The following NSUN7 variants were observed in gnomAD, a reference collection of about 807,000 sequenced individuals.
NSUN7 encodes the protein protein NSUN7.
In NSUN7, 39 loss-of-function variants were observed where a neutral mutation model predicts 58.5. The ratio of observed to expected loss-of-function variants is 0.67; its 90% CI spans 0.52 to 0.87. The LOEUF (loss-of-function observed/expected upper bound fraction) is 0.87, where lower values mean the gene tolerates loss of function less well. Among genes scored for constraint, NSUN7 ranks in the 40% least tolerant of loss-of-function variants. NSUN7 has a pLI of 0.00. For missense variants in NSUN7, 765 were observed against 844.1 expected (o/e 0.91, Z 1.16); for synonymous variants, 278 against 303.7 (o/e 0.92, Z 0.88).
At chr4:40,796,102 T>TC (rs1743314531) in intron 9 of NSUN7, among the ~76,000 whole-genome samples, 1 of 152,124 alleles carries the variant, frequency 6.6e-6, no homozygotes, top group East Asian at 1.9e-4. Flanking sequence ...GCGTGGTGGC[T>TC]CATGCCTGTA....
rs1431660669 is a variant in NSUN7 at position 40,775,513 on chromosome 4, A to G, written c.826-536A>G. The G allele has an allele frequency of 6.5e-6, 1 of 152,790 alleles. No individual in the cohort carries two copies. The highest frequency in any genetic ancestry group is 1.5e-5 in the Non-Finnish European group (1 of 68,452). The allele number at this position is 152,790 out of a possible 1,614,324, so 9.5% of individuals were successfully genotyped here. A position where few individuals can be genotyped will look rare whatever the true frequency, so the allele number is the denominator to read the frequency against. On this transcript the variant is annotated intron_variant, in intron 6 of 11. Coordinates refer to ENST00000381782, the MANE Select transcript of NSUN7 (RefSeq NM_024677.6). This position sits in a 1 kb window ranked among gnomAD's most constrained non-coding sequence, Gnocchi z 4.3. ...TTAGATTCCAATTATTGCCTCAGAT[A>G]TACCTTGATCTTCTAAGGTTTATCC...
At chr4:40,756,331 T>A (rs2154286453) in intron 2 of NSUN7, among the ~76,000 whole-genome samples, 1 of 152,342 alleles carries the variant, frequency 6.6e-6, no homozygotes, top group East Asian at 1.9e-4. Flanking sequence ...GGTGTTTCTC[T>A]AGGATAAGGC....
intron 4 of NSUN7, among the ~76,000 whole-genome samples, chr4:40,772,216 C>T (rs1050957994): frequency 6.6e-6 from 1 of 152,096 alleles, no homozygotes; most frequent in African/African-American, 2.4e-5. Context: ...TATTTCTCAG[C>T]TTCATATTTT....
Position 40,798,807 on chromosome 4 carries a change from G to C in NSUN7, c.1303G>C (p.Val435Leu). The C allele has an allele frequency of 6.2e-7, 1 of 1,606,676 alleles. No homozygotes were observed. Among genetic ancestry groups the C allele is most frequent in the East Asian group, 2.2e-5 (1 of 44,660 alleles). ...AMKFTKAQAVVYCTCSVFPEE... is the reference protein window; with the variant it reads ...AMKFTKAQAVLYCTCSVFPEE... ...TATAGTTACTAAAGCTCAAGCAGTT[G>C]TTTACTGCACATGTTCAGTTTTTCC... is the stretch of plus-strand genomic sequence containing the variant. Residue 435 changes from valine (V) to leucine (L), a missense_variant, in exon 10 of 12, where the codon GTT becomes CTT. Physicochemically the swap from Val to Leu is conservative, Grantham distance 32. Transcript: ENST00000381782.
At chr4:40,774,438 C>A (rs751513816) in intron 5 of NSUN7, 21 bp downstream of exon 5, 3 of 1,602,810 alleles carry the variant, frequency 1.9e-6, no homozygotes, top group Non-Finnish European at 2.6e-6. Flanking sequence ...AAATCAAATT[C>A]TTTATATTTC....
At chr4:40,782,160 A>G (rs1467577598) in intron 7 of NSUN7, among the ~76,000 whole-genome samples, 1 of 152,222 alleles carries the variant, frequency 6.6e-6, no homozygotes, top group East Asian at 1.9e-4. Flanking sequence ...CTATCTACCA[A>G]CAATGAATAA....
At chr4:40,787,185 G>A (rs58708343) in intron 7 of NSUN7, among the ~76,000 whole-genome samples, 2,577 of 151,768 alleles carry the variant, frequency 0.017, 71 homozygotes, top group African/African-American at 0.059. Context: ...TTTACACTGC[G>A]GAAGGCCGCA....
intron 7 of NSUN7, among the ~76,000 whole-genome samples, chr4:40,781,742 G>A (rs1216208778): frequency 6.6e-6 from 1 of 152,090 alleles, no homozygotes; most frequent in Non-Finnish European, 1.5e-5. Context: ...CACTGTGCCC[G>A]GTCAGTCTTG....
intron 8 of NSUN7, among the ~76,000 whole-genome samples, chr4:40,793,657 G>A (rs868258886): frequency 1.3e-5 from 2 of 152,226 alleles, no homozygotes; most frequent in Middle Eastern, 6.8e-3. Context: ...GGGTCCTCTG[G>A]TTAGATTTCT....
intron 7 of NSUN7, among the ~76,000 whole-genome samples, chr4:40,777,004 G>T (rs1742301668): frequency 1.3e-5 from 2 of 152,180 alleles, no homozygotes; most frequent in South Asian, 4.1e-4. Flanking sequence ...TATAGGTTCA[G>T]CGAGGCTGAA....
At chr4:40,766,868 G>A (rs1221852888) in intron 4 of NSUN7, among the ~76,000 whole-genome samples, 4 of 149,916 alleles carry the variant, frequency 2.7e-5, no homozygotes, top group African/African-American at 4.9e-5. Flanking sequence ...GTTTATTTGC[G>A]TAGAGGTGTT....
intron 4 of NSUN7, among the ~76,000 whole-genome samples, chr4:40,761,712 GA>G (rs552743785): frequency 3.8e-4 from 57 of 151,250 alleles, no homozygotes; most frequent in African/African-American, 1.4e-3. Flanking sequence ...CCAAAGTAAA[GA>G]AAAAAAAATT....
At position 40,774,270 on chromosome 4, in the gene NSUN7, A is replaced by G; in HGVS notation, c.494A>G (p.Lys165Arg). 1 of 1,614,016 alleles carries G rather than the reference A, an allele frequency of 6.2e-7. No homozygotes were observed. ...QEVENLLNSF[K>R]IKLAAALARC... ...GATGGATTTTCTGTCTCTAGTTTTA[A>G]GATAAAATTGGCTGCAGCATTGGCA... Residue 165 changes from lysine (K) to arginine (R), a missense_variant, in exon 5 of 12, where the codon AAG (lysine) becomes AGG (arginine). Lys to Arg is a conservative substitution (Grantham distance 26). Transcript: ENST00000381782.
At chr4:40,802,767 T>C (rs1743641942) in intron 10 of NSUN7, among the ~76,000 whole-genome samples, 1 of 150,862 alleles carries the variant, frequency 6.6e-6, no homozygotes, top group Admixed American at 6.7e-5. Context: ...CCTGACACTT[T>C]GTACTGCATT....
At chr4:40,773,724 C>T (rs6447415) in intron 4 of NSUN7, among the ~76,000 whole-genome samples, 120,212 of 151,866 alleles carry the variant, frequency 0.79, 47,821 homozygotes, top group Admixed American at 0.84. Context: ...GTAATTAATA[C>T]AATAGTTAAG....
intron 2 of NSUN7, among the ~76,000 whole-genome samples, chr4:40,753,959 G>C (rs2154286318): frequency 6.6e-6 from 1 of 152,246 alleles, no homozygotes; most frequent in African/African-American, 2.4e-5. Flanking sequence ...ATATGGAACT[G>C]TAAGTCCATT....
chr4:40,782,596 A>G (rs1319825851), intron 7 of NSUN7, among the ~76,000 whole-genome samples: 3 of 151,842 alleles, frequency 2.0e-5, no homozygotes, highest in African/African-American at 7.3e-5. Flanking sequence ...GGCCGGGTGC[A>G]GTGGCTCACA....
chr4:40,760,212 A>G (rs1406987222), intron 2 of NSUN7, among the ~76,000 whole-genome samples: 1 of 152,236 alleles, frequency 6.6e-6, no homozygotes, highest in African/African-American at 2.4e-5. Flanking sequence ...ATGCTTCTTT[A>G]ACTATGATTC....
intron 3 of NSUN7, among the ~76,000 whole-genome samples, 160 bp downstream of exon 3, chr4:40,760,652 CG>C (rs1741407561): frequency 6.6e-6 from 1 of 152,024 alleles, no homozygotes; most frequent in Non-Finnish European, 1.5e-5. Flanking sequence ...CATCTGAGGT[CG>C]GGAGTTCGAG....
Sources: gnomAD v4.1 joint callset for allele counts (sites outside exome capture counted in the v4.1 genomes callset) on GRCh38, gnomAD v4.1.1 for gene constraint, Gnocchi (gnomAD v3.1) non-coding constraint, MANE v1.5 for transcripts, NCBI Gene and HGNC (gene_info 2026-07-23, HGNC 2026-07-21) for gene names.